KCNB2: variants seen among roughly 807,000 people sequenced by gnomAD.
KCNB2 encodes potassium voltage-gated channel subfamily B member 2.
In KCNB2, 15 loss-of-function variants were observed where a neutral mutation model predicts 61.5. The observed-to-expected ratio is 0.24, with a 90% CI of 0.16 to 0.38. KCNB2 has a LOEUF of 0.38. KCNB2 is among the 10% of genes least tolerant of loss of function. The pLI, the probability that KCNB2 is intolerant of heterozygous loss-of-function variation, is 1.00. For missense variants in KCNB2, 828 were observed against 1,125.2 expected (o/e 0.74, Z 3.78); for synonymous variants, 457 against 446.0 (o/e 1.02, Z -0.31).
chr8:72,815,594 C>G (rs1311043659), intron 2 of KCNB2, among the ~76,000 whole-genome samples: 3 of 152,130 alleles, frequency 2.0e-5, no homozygotes, highest in Admixed American at 6.5e-5. Context: ...AATGAATGAA[C>G]AAACAGGGAC....
intron 2 of KCNB2, among the ~76,000 whole-genome samples, chr8:72,894,381 G>A (rs80021130): frequency 0.021 from 3,165 of 152,268 alleles, 102 homozygotes; most frequent in African/African-American, 0.071. Context: ...CAGAACAAAG[G>A]ATTTGCATTT....
At chr8:72,806,434 C>T (rs1251290907) in intron 2 of KCNB2, among the ~76,000 whole-genome samples, 5 of 150,974 alleles carry the variant, frequency 3.3e-5, no homozygotes, top group African/African-American at 1.2e-4. Flanking sequence ...GGTAAAACCC[C>T]ATCTCTACTA....
chr8:72,651,037 C>T (rs763932294), intron 2 of KCNB2, among the ~76,000 whole-genome samples: 6 of 152,082 alleles, frequency 3.9e-5, no homozygotes, highest in South Asian at 2.1e-4. Context: ...ATTACCATGT[C>T]GCAAGGCTGT....
chr8:72,815,414 G>A (rs765398821), intron 2 of KCNB2, among the ~76,000 whole-genome samples: 20 of 151,922 alleles, frequency 1.3e-4, no homozygotes, highest in African/African-American at 4.8e-5. Context: ...TACATAACAT[G>A]TGCTTTCTCC....
At chr8:72,658,344 T>C (rs940679321) in intron 2 of KCNB2, among the ~76,000 whole-genome samples, 2 of 152,218 alleles carry the variant, frequency 1.3e-5, no homozygotes, top group Non-Finnish European at 2.9e-5. Context: ...TTCCTTATGC[T>C]AAAGCCTAAT....
chr8:72,662,710 G>A (rs1806400773), intron 2 of KCNB2, among the ~76,000 whole-genome samples: 1 of 152,150 alleles, frequency 6.6e-6, no homozygotes, highest in South Asian at 2.1e-4. Flanking sequence ...TGTGCTCTCG[G>A]TTCTTCCTTG....
chr8:72,794,745 T>C (rs911034745), intron 2 of KCNB2, among the ~76,000 whole-genome samples: 13 of 152,160 alleles, frequency 8.5e-5, no homozygotes, highest in Non-Finnish European at 1.6e-4. Flanking sequence ...TAGATAATTA[T>C]GGAGCTCAGC....
intron 2 of KCNB2, among the ~76,000 whole-genome samples, chr8:72,743,936 C>T (rs192692770): frequency 2.6e-5 from 4 of 152,146 alleles, no homozygotes; most frequent in East Asian, 1.9e-4. Flanking sequence ...TTAGTGAATT[C>T]GGGAGCCCTA....
chr8:72,765,701 A>T (rs1414113773), intron 2 of KCNB2, among the ~76,000 whole-genome samples: 1 of 152,218 alleles, frequency 6.6e-6, no homozygotes, highest in Non-Finnish European at 1.5e-5. Context: ...TTTAAAACAC[A>T]TAGGTAATGA....
intron 2 of KCNB2, among the ~76,000 whole-genome samples, chr8:72,920,055 A>G (rs13258239): frequency 0.13 from 19,788 of 152,154 alleles, 1,489 homozygotes; most frequent in Non-Finnish European, 0.18. Context: ...AATGTGACCT[A>G]TAAGCTAATA....
chr8:72,932,414 G>C (rs1462020948), intron 2 of KCNB2, among the ~76,000 whole-genome samples: 1 of 152,128 alleles, frequency 6.6e-6, no homozygotes, highest in Non-Finnish European at 1.5e-5. Context: ...CCAGGTGCTG[G>C]GGTGGTTACC....
At chr8:72,600,029 G>A (rs1249416232) in intron 2 of KCNB2, among the ~76,000 whole-genome samples, 1 of 152,342 alleles carries the variant, frequency 6.6e-6, no homozygotes, top group East Asian at 1.9e-4. Context: ...GTGGAAGTCA[G>A]TGTGGTGATT....
intron 2 of KCNB2, among the ~76,000 whole-genome samples, chr8:72,672,850 A>C (rs1456308845): frequency 1.3e-5 from 2 of 152,206 alleles, no homozygotes; most frequent in Non-Finnish European, 2.9e-5. Context: ...GATACATTGC[A>C]ACTTAAAAAT....
At chr8:72,723,615 G>T (rs909163172) in intron 2 of KCNB2, among the ~76,000 whole-genome samples, 2 of 152,126 alleles carry the variant, frequency 1.3e-5, no homozygotes, top group Admixed American at 1.3e-4. Flanking sequence ...CATGTTGGTA[G>T]CCACTCAGCT....
Position 72,932,283 on chromosome 8 carries a change from A to G in KCNB2, c.580-3652A>G, listed in dbSNP as rs200646316. 2.1e-4 allele frequency among the ~76,000 whole-genome samples: 32 copies of G among 152,352 alleles called. No individual in the cohort carries two copies. The East Asian group carries it at 6.2e-3, about 29-fold the overall frequency. On this transcript the variant is annotated intron_variant, in intron 2 of 2. Coordinates refer to ENST00000523207, the MANE Select transcript of KCNB2 (RefSeq NM_004770.3). ...TATATACCTTCTAAGCTATATGTCT[A>G]CGTGTAAGTGTGCATTCATCTAAAG...
rs1275859608 is a variant in KCNB2 at position 72,938,153 on chromosome 8, T to C, written c.*62T>C. On this transcript the variant is annotated 3_prime_UTR_variant, in exon 3 of 3. Transcript: ENST00000523207. ...CAAAACAAAACTTGTTTCTTAAAAA[T>C]GCGGTTAATAATGCCTGTGAACTAA... 12 of 1,397,202 alleles carry C rather than the reference T, an allele frequency of 8.6e-6. No homozygotes were observed. Among genetic ancestry groups the C allele is most frequent in the Admixed American group, 4.4e-5 (2 of 45,716 alleles). 86.6% of individuals were successfully genotyped at this position (1,397,202 alleles called of 1,614,324 possible).
chr8:72,568,025 T>A lies in KCNB2; in HGVS notation c.291T>A (p.Thr97=). The A allele has an allele frequency of 6.2e-7, 1 of 1,614,144 alleles. No individual in the cohort carries two copies. Residue 97 remains threonine (T), a synonymous_variant, in exon 2 of 3, where the codon ACT becomes ACA. Transcript: ENST00000523207. ...TTGATCGGCATCCAGGAGCCTTCAC[T>A]TCCATTTTAAATTTCTACCGGACCG... ...YFFDRHPGAF[T]SILNFYRTGK...
chr8:72,774,177 G>A (rs2128997389), intron 2 of KCNB2, among the ~76,000 whole-genome samples: 1 of 152,200 alleles, frequency 6.6e-6, no homozygotes, highest in South Asian at 2.1e-4. Flanking sequence ...TGGGGTTAGT[G>A]GGTGGCTTAA....
Position 72,936,000 on chromosome 8 carries a change from G to A in KCNB2, c.645G>A (p.Leu215=). 6.2e-7 allele frequency: 1 copy of A among 1,614,166 alleles called. No homozygotes were observed. Among genetic ancestry groups the A allele is most frequent in the Non-Finnish European group, 8.5e-7 (1 of 1,180,028 alleles). ...CCATTGCTTTGTCTCTCAATACGCTGCCGGAGCTGCAGGAAACGGACGAAT... is the reference window on the plus strand; with the variant it reads ...CCATTGCTTTGTCTCTCAATACGCTACCGGAGCTGCAGGAAACGGACGAAT... ...LSTIALSLNT[L]PELQETDEFG... Residue 215 remains leucine (L), a synonymous_variant, in exon 3 of 3, where the codon CTG becomes CTA. Coordinates refer to ENST00000523207, the MANE Select transcript of KCNB2 (RefSeq NM_004770.3).
Sources: allele counts gnomAD v4.1 joint callset (sites outside exome capture counted in the v4.1 genomes callset), GRCh38; gene constraint gnomAD v4.1.1; transcripts MANE v1.5; gene names NCBI Gene and HGNC (gene_info 2026-07-23, HGNC 2026-07-21).